The following CCBE1 variants were observed in gnomAD, a reference collection of about 807,000 sequenced individuals.
CCBE1 encodes the protein collagen and calcium-binding EGF domain-containing protein 1.
In CCBE1, 37 loss-of-function variants were observed where a neutral mutation model predicts 50.0. The ratio of observed to expected loss-of-function variants is 0.74; its 90% CI spans 0.57 to 0.97. The LOEUF is 0.97. Among genes scored for constraint, CCBE1 ranks in the 50% least tolerant of loss-of-function variants. The probability of loss-of-function intolerance (pLI) is 0.00; values close to 1 mark genes in which losing one functional copy is unlikely to be tolerated. For missense variants in CCBE1, 538 were observed against 523.8 expected (o/e 1.03, Z -0.26); for synonymous variants, 234 against 203.7 (o/e 1.15, Z -1.27).
chr18:59,543,759 C>T (rs956686115), intron 2 of CCBE1, among the ~76,000 whole-genome samples: 39 of 137,296 alleles, frequency 2.8e-4, no homozygotes, highest in Admixed American at 4.8e-4. Context: ...GGCGTGAACC[C>T]GGGAGGTGGA....
chr18:59,623,951 T>C (rs976280141), intron 2 of CCBE1, among the ~76,000 whole-genome samples: 5 of 152,360 alleles, frequency 3.3e-5, no homozygotes, highest in African/African-American at 1.2e-4. Context: ...TTATTAATCA[T>C]GTTCCCCGGT....
intron 2 of CCBE1, among the ~76,000 whole-genome samples, chr18:59,550,216 G>A (rs1915863920): frequency 6.6e-6 from 1 of 152,242 alleles, no homozygotes; most frequent in South Asian, 2.1e-4. Context: ...CTCTAATTCA[G>A]GGATTGGCAA....
At position 59,448,110 on chromosome 18, in the gene CCBE1, G is replaced by A. The variant is rs373230073; in HGVS notation, c.655-7C>T. On this transcript the variant is annotated splice_polypyrimidine_tract_variant and splice_region_variant and intron_variant, in intron 6 of 10. Coordinates refer to ENST00000439986, the MANE Select transcript of CCBE1 (RefSeq NM_133459.4). ...TGTTGGGGAGCAGAGCAATCTGCAAGGAGAAGAGGAAGCCTCAGTCAGGAA... is the reference window on the plus strand; with the variant it reads ...TGTTGGGGAGCAGAGCAATCTGCAAAGAGAAGAGGAAGCCTCAGTCAGGAA... The A allele has an allele frequency of 3.9e-5, 63 of 1,613,924 alleles. No homozygotes were observed. The Middle Eastern group carries it at 4.9e-4, about 13-fold the overall frequency.
At chr18:59,457,546 T>TA (rs1221429420) in intron 5 of CCBE1, among the ~76,000 whole-genome samples, 1 of 152,154 alleles carries the variant, frequency 6.6e-6, no homozygotes. Context: ...AGCTTGGTTG[T>TA]AGGTAGATGG....
intron 2 of CCBE1, chr18:59,568,458 T>C (rs1282477437): frequency 6.6e-6 from 1 of 152,206 alleles, no homozygotes; most frequent in Non-Finnish European, 1.5e-5. Flanking sequence ...CCTTTTTCTA[T>C]GTGGCCTCCA....
At chr18:59,494,167 G>A (rs538122816) in intron 2 of CCBE1, among the ~76,000 whole-genome samples, 1 of 152,284 alleles carries the variant, frequency 6.6e-6, no homozygotes, top group African/African-American at 2.4e-5. Flanking sequence ...TCAGTACAGA[G>A]GATAAACTCA....
At chr18:59,590,546 C>T (rs1332744978) in intron 2 of CCBE1, among the ~76,000 whole-genome samples, 1 of 151,954 alleles carries the variant, frequency 6.6e-6, no homozygotes, top group African/African-American at 2.4e-5. Flanking sequence ...GAAAACTGAA[C>T]ATGCAAGAAT....
intron 2 of CCBE1, among the ~76,000 whole-genome samples, chr18:59,624,159 C>T (rs909783402): frequency 1.3e-5 from 2 of 152,230 alleles, no homozygotes; most frequent in Non-Finnish European, 2.9e-5. Flanking sequence ...TATGGAAGTG[C>T]TTTTCAACTC....
At position 59,672,047 on chromosome 18, in the gene CCBE1, T is replaced by C. The variant is rs558655910; in HGVS notation, c.212+24582A>G. ...GACTGTCCATTCACATAGAATTCTA[T>C]GTGCATTAACATAGGTACAATCAGA... On this transcript the variant is annotated intron_variant, in intron 2 of 10. Transcript: ENST00000439986. Among the ~76,000 whole-genome samples the C allele has an allele frequency of 3.9e-5, 6 of 152,288 alleles. No homozygotes were observed. In the South Asian group the frequency reaches 1.0e-3, roughly 26 times the overall value.
intron 2 of CCBE1, among the ~76,000 whole-genome samples, chr18:59,507,878 T>C (rs1913948985): frequency 6.6e-6 from 1 of 150,956 alleles, no homozygotes; most frequent in East Asian, 2.0e-4. Flanking sequence ...TTAATTAGGT[T>C]TTTTTCCTCT....
intron 2 of CCBE1, among the ~76,000 whole-genome samples, chr18:59,546,862 T>G (rs1054085675): frequency 6.6e-6 from 1 of 152,118 alleles, no homozygotes; most frequent in African/African-American, 2.4e-5. Context: ...CATAGCAATC[T>G]CATCCAATCT....
At chr18:59,549,487 A>AT (rs1336901865) in intron 2 of CCBE1, among the ~76,000 whole-genome samples, 1 of 152,206 alleles carries the variant, frequency 6.6e-6, no homozygotes, top group Non-Finnish European at 1.5e-5. Flanking sequence ...ATTGAAGCTG[A>AT]TTTTTAAAAT....
chr18:59,657,545 T>A (rs904437103), intron 2 of CCBE1, among the ~76,000 whole-genome samples: 1 of 152,180 alleles, frequency 6.6e-6, no homozygotes, highest in African/African-American at 2.4e-5. Flanking sequence ...TTAAGATCAT[T>A]GATGACACCA....
intron 2 of CCBE1, among the ~76,000 whole-genome samples, chr18:59,523,885 T>A (rs1914709315): frequency 6.6e-6 from 1 of 152,232 alleles, no homozygotes; most frequent in Admixed American, 6.5e-5. Flanking sequence ...GATACTATGA[T>A]AAGCCCTAAG....
At chr18:59,549,702 G>C (rs1354931426) in intron 2 of CCBE1, among the ~76,000 whole-genome samples, 1 of 152,178 alleles carries the variant, frequency 6.6e-6, no homozygotes, top group Non-Finnish European at 1.5e-5. Context: ...CAGTGATATA[G>C]TACCCAGTTG....
intron 2 of CCBE1, among the ~76,000 whole-genome samples, chr18:59,595,113 T>TCAAAA (rs2053332071): frequency 1.0e-5 from 1 of 97,306 alleles, no homozygotes; most frequent in African/African-American, 8.0e-5. Flanking sequence ...AGACTCTGTC[T>TCAAAA]CAAAAAAAAA....
chr18:59,692,682 G>C (rs2054747968), intron 2 of CCBE1, among the ~76,000 whole-genome samples: 1 of 152,092 alleles, frequency 6.6e-6, no homozygotes, highest in African/African-American at 2.4e-5. Context: ...CACAAGACTT[G>C]GCAACACAGT....
At chr18:59,697,508 G>A, upstream of CCBE1, 1 of 896,810 alleles carries the variant, frequency 1.1e-6, no homozygotes, top group East Asian at 2.7e-5. Flanking sequence ...TATGGGGCTG[G>A]GGGGAAAATG....
chr18:59,631,578 G>T (rs1196383048), intron 2 of CCBE1, among the ~76,000 whole-genome samples: 1 of 152,200 alleles, frequency 6.6e-6, no homozygotes, highest in African/African-American at 2.4e-5. Flanking sequence ...GTAGAGCCCA[G>T]ATCAGCTACC....
Sources: allele counts gnomAD v4.1 joint callset (sites outside exome capture counted in the v4.1 genomes callset), GRCh38; gene constraint gnomAD v4.1.1; transcripts MANE v1.5; gene names NCBI Gene and HGNC (gene_info 2026-07-23, HGNC 2026-07-21).